Variants in GRIK4 observed in about 807,000 individuals in gnomAD.
GRIK4 encodes the protein glutamate ionotropic receptor kainate type subunit 4.
In GRIK4, 40 loss-of-function variants were observed where a neutral mutation model predicts 104.9. The ratio of observed to expected loss-of-function variants is 0.38; its 90% CI spans 0.30 to 0.50. The LOEUF (loss-of-function observed/expected upper bound fraction) is 0.50, where lower values mean the gene tolerates loss of function less well. GRIK4 is among the 20% of genes least tolerant of loss of function. The pLI, the probability that GRIK4 is intolerant of heterozygous loss-of-function variation, is 0.93. For synonymous variants in GRIK4, 485 were observed against 524.9 expected, an observed-to-expected ratio of 0.92 and a Z score of 1.04; for missense variants, 1,047 against 1,308.1, an observed-to-expected ratio of 0.80 and a Z score of 3.08.
intron 1 of GRIK4, among the ~76,000 whole-genome samples, chr11:120,646,725 G>A (rs1427530367): frequency 1.3e-5 from 2 of 152,202 alleles, no homozygotes; most frequent in South Asian, 2.1e-4. Context: ...TAGGGAGTCA[G>A]ACATATCCTA....
intron 13 of GRIK4, among the ~76,000 whole-genome samples, chr11:120,923,548 G>A (rs1943272045): frequency 6.6e-6 from 1 of 151,694 alleles, no homozygotes; most frequent in African/African-American, 2.4e-5. Flanking sequence ...GAGTAGCTGG[G>A]ACTACAGGCA....
At chr11:120,852,929 A>G (rs1300959747) in intron 8 of GRIK4, among the ~76,000 whole-genome samples, 1 of 152,168 alleles carries the variant, frequency 6.6e-6, no homozygotes, top group African/African-American at 2.4e-5. Flanking sequence ...AGGTGAAAGG[A>G]CCAGGCTGCC....
intron 3 of GRIK4, among the ~76,000 whole-genome samples, chr11:120,707,987 G>A (rs1488923650): frequency 1.3e-4 from 20 of 152,156 alleles, no homozygotes; most frequent in Non-Finnish European, 1.5e-5. Context: ...TTGCACCATA[G>A]TCACAAGCCC....
intron 1 of GRIK4, among the ~76,000 whole-genome samples, chr11:120,570,113 G>A (rs1376465004): frequency 2.0e-5 from 3 of 152,238 alleles, no homozygotes; most frequent in Non-Finnish European, 2.9e-5. Context: ...CCGCCAGGGC[G>A]AGATGAAGCT....
chr11:120,834,342 A>T (rs1469314265), intron 7 of GRIK4, among the ~76,000 whole-genome samples: 2 of 150,090 alleles, frequency 1.3e-5, no homozygotes, highest in Non-Finnish European at 3.0e-5. Context: ...TGTAGTGATC[A>T]TTATTAGCAA....
At chr11:120,798,669 A>T (rs1821324347) in intron 3 of GRIK4, among the ~76,000 whole-genome samples, 3 of 151,940 alleles carry the variant, frequency 2.0e-5, no homozygotes, top group African/African-American at 7.3e-5. Context: ...TTTAGTAGAG[A>T]CAGGATTTCA....
intron 3 of GRIK4, among the ~76,000 whole-genome samples, chr11:120,716,108 A>G (rs1041017028): frequency 6.6e-6 from 1 of 152,132 alleles, no homozygotes; most frequent in Non-Finnish European, 1.5e-5. Context: ...TCTGTAGGCA[A>G]TGGTGAGCTG....
chr11:120,791,138 G>T (rs2135491856), intron 3 of GRIK4, among the ~76,000 whole-genome samples: 1 of 152,210 alleles, frequency 6.6e-6, no homozygotes, highest in South Asian at 2.1e-4. Flanking sequence ...GTGGCTTGTG[G>T]ACTAAATCCA....
intron 1 of GRIK4, among the ~76,000 whole-genome samples, chr11:120,638,920 C>A (rs1012161969): frequency 1.1e-4 from 17 of 152,128 alleles, no homozygotes; most frequent in African/African-American, 4.1e-4. Context: ...GAGCAATAAT[C>A]CCACGCCTGA....
rs768054905 is a variant in GRIK4 at position 120,898,602 on chromosome 11, C to G, written c.1235C>G (p.Thr412Ser). The change falls in exon 12 of 21, where the codon ACT (threonine) becomes AGT (serine). Residue 412 changes from threonine (T) to serine (S), a missense_variant. Physicochemically the swap from Thr to Ser is moderately conservative, Grantham distance 58. Transcript: ENST00000527524. ...CTCTATGCCTCCAACATCTCGGACACTCTCTTCAACACCACCCTGGTCGTC... is the reference window on the plus strand; with the variant it reads ...CTCTATGCCTCCAACATCTCGGACAGTCTCTTCAACACCACCCTGGTCGTC... ...SHLYASNISD[T>S]LFNTTLVVTT... 5 of 1,611,768 alleles carry G rather than the reference C, an allele frequency of 3.1e-6. No individual in the cohort carries two copies. The highest frequency in any genetic ancestry group is 4.2e-6 in the Non-Finnish European group (5 of 1,177,968).
At position 120,575,432 on chromosome 11, in the gene GRIK4, C is replaced by T. The variant is rs192051082; in HGVS notation, c.-159+63545C>T. On this transcript the variant is annotated intron_variant, in intron 1 of 20. Transcript: ENST00000527524. ...TTCTCTTCCCTCTGGCGCACGGGTCCTCTCACCATCTATCTTCCAGGCCTC... is the reference window on the plus strand; with the variant it reads ...TTCTCTTCCCTCTGGCGCACGGGTCTTCTCACCATCTATCTTCCAGGCCTC... Among the ~76,000 whole-genome samples, 12 of 152,258 alleles carry T rather than the reference C, an allele frequency of 7.9e-5. No individual in the cohort carries two copies. In the East Asian group the frequency reaches 2.3e-3, roughly 29 times the overall value.
At chr11:120,689,466 T>C (rs931491597) in intron 3 of GRIK4, among the ~76,000 whole-genome samples, 1 of 151,964 alleles carries the variant, frequency 6.6e-6, no homozygotes, top group Non-Finnish European at 1.5e-5. Flanking sequence ...CCACCCTCCT[T>C]TCCTTCATCA....
intron 15 of GRIK4, among the ~76,000 whole-genome samples, chr11:120,954,306 C>T (rs375934129): frequency 5.2e-4 from 79 of 152,212 alleles, no homozygotes; most frequent in East Asian, 9.6e-4. Flanking sequence ...CATTTTCAAA[C>T]GTGGCAGAGT....
At chr11:120,898,700 C>T in intron 12 of GRIK4, 61 bp downstream of exon 12, 1 of 877,788 alleles carries the variant, frequency 1.1e-6, no homozygotes. Context: ...CGGCTCTGAG[C>T]ACTCACAGGC....
chr11:120,645,910 C>T (rs1451616238), intron 1 of GRIK4, among the ~76,000 whole-genome samples: 2 of 152,226 alleles, frequency 1.3e-5, no homozygotes, highest in South Asian at 2.1e-4. Flanking sequence ...TTGCTGAGCA[C>T]AGCAGGTGGG....
chr11:120,750,022 TGGAA>T (rs1478327308), intron 3 of GRIK4, among the ~76,000 whole-genome samples: 1 of 152,088 alleles, frequency 6.6e-6, no homozygotes, highest in African/African-American at 2.4e-5. Flanking sequence ...ATTTTAGCAC[TGGAA>T]GGAGCCTCAG....
chr11:120,632,348 A>G (rs957552413), intron 1 of GRIK4, among the ~76,000 whole-genome samples: 4 of 152,238 alleles, frequency 2.6e-5, no homozygotes, highest in Admixed American at 1.3e-4. Flanking sequence ...ACCTCAAACT[A>G]CGACATCCAC....
rs1447107001 is a variant in GRIK4, at chr11:120,832,001, G to A, written c.661G>A (p.Ala221Thr). ...KTATIIIHAN[A>T]SMSHTILLKA... Reference sequence around the variant, plus strand: ...CGCCACCATCATCATCCACGCCAACGCCTCCATGTCCCACACCATCCTCCT... The same window carrying A: ...CGCCACCATCATCATCCACGCCAACACCTCCATGTCCCACACCATCCTCCT... The change falls in exon 7 of 21, where the codon GCC becomes ACC. Residue 221 changes from alanine (A) to threonine (T), a missense_variant. By Grantham distance (58) the Ala-to-Thr change is moderately conservative. Coordinates refer to ENST00000527524, the MANE Select transcript of GRIK4 (RefSeq NM_014619.5). 3 of 1,613,336 alleles carry A rather than the reference G, an allele frequency of 1.9e-6. No individual in the cohort carries two copies. The highest frequency in any genetic ancestry group is 1.1e-5 in the South Asian group (1 of 90,982).
intron 3 of GRIK4, among the ~76,000 whole-genome samples, chr11:120,727,223 C>T (rs1565317439): frequency 6.6e-6 from 1 of 152,184 alleles, no homozygotes; most frequent in South Asian, 2.1e-4. Flanking sequence ...TGCATATTCT[C>T]CAGACTGACC....
Sources: gnomAD v4.1 joint callset for allele counts (sites outside exome capture counted in the v4.1 genomes callset) on GRCh38, gnomAD v4.1.1 for gene constraint, MANE v1.5 for transcripts, NCBI Gene and HGNC (gene_info 2026-07-23, HGNC 2026-07-21) for gene names.